PDE8B: variants seen among roughly 807,000 people sequenced by gnomAD.
PDE8B encodes phosphodiesterase 8B.
PDE8B carries 26 observed loss-of-function variants against 101.3 expected under a neutral mutation model. The observed-to-expected ratio is 0.26, with a 90% CI of 0.19 to 0.36. The LOEUF (loss-of-function observed/expected upper bound fraction) is 0.36. Ranked by LOEUF, PDE8B falls within the 10% of genes least tolerant of loss-of-function variation. PDE8B has a pLI of 1.00. For synonymous variants in PDE8B, 424 were observed against 429.3 expected, an observed-to-expected ratio of 0.99 and a Z score of 0.15; for missense variants, 810 against 1,163.1, an observed-to-expected ratio of 0.70 and a Z score of 4.42.
At chr5:77,129,774 G>A in the PDE8B span, among the ~76,000 whole-genome samples, 1 of 152,172 alleles carries the variant, frequency 6.6e-6, no homozygotes, top group Non-Finnish European at 1.5e-5. Context: ...ATTACTGTCT[G>A]TAGTGTTTCG....
chr5:77,398,612 C>T (rs1581479288), intron 10 of PDE8B, among the ~76,000 whole-genome samples: 1 of 152,216 alleles, frequency 6.6e-6, no homozygotes, highest in African/African-American at 2.4e-5. Flanking sequence ...TGAGCCACGG[C>T]GCCCGACCGG....
At chr5:77,345,455 C>T (rs1779970078) in intron 7 of PDE8B, among the ~76,000 whole-genome samples, 1 of 152,216 alleles carries the variant, frequency 6.6e-6, no homozygotes, top group Non-Finnish European at 1.5e-5. Flanking sequence ...TCACTGCACC[C>T]AGCTAGAACC....
upstream of PDE8B, among the ~76,000 whole-genome samples, chr5:77,208,823 C>G (rs995758877): frequency 7.9e-5 from 12 of 152,314 alleles, no homozygotes; most frequent in African/African-American, 2.4e-4. Context: ...CATGTAAAGA[C>G]TGGTCCATGC....
At chr5:77,214,822 T>C (rs1400164190) in intron 1 of PDE8B, among the ~76,000 whole-genome samples, 1 of 152,170 alleles carries the variant, frequency 6.6e-6, no homozygotes, top group African/African-American at 2.4e-5. Flanking sequence ...ATTTAGTAGG[T>C]CTTGGGTGGG....
At chr5:77,276,263 C>T (rs1273555744) in intron 1 of PDE8B, among the ~76,000 whole-genome samples, 1 of 152,144 alleles carries the variant, frequency 6.6e-6, no homozygotes, top group Non-Finnish European at 1.5e-5. Flanking sequence ...CCTGCTGTTC[C>T]CTCTGCTGGG....
rs200210676 is a variant in PDE8B at position 77,363,438 on chromosome 5, G to A, written c.1167+10032G>A. ...GATAGAATATGTCATTGTAGGCCTG[G>A]TGCGGTGGCTTATGTCTGTAATCCC... On this transcript the variant is annotated intron_variant, in intron 10 of 21. Transcript: ENST00000264917. Among the ~76,000 whole-genome samples, 26 of 152,296 alleles carry A rather than the reference G, an allele frequency of 1.7e-4. No homozygotes were observed. The East Asian group carries it at 5.0e-3, about 29-fold the overall frequency.
At chr5:77,227,779 T>C (rs1289972955) in intron 1 of PDE8B, among the ~76,000 whole-genome samples, 1 of 152,182 alleles carries the variant, frequency 6.6e-6, no homozygotes, top group Non-Finnish European at 1.5e-5. Context: ...AACAAACATA[T>C]ACTGAGGGCT....
chr5:77,272,409 C>G (rs1762978410), intron 1 of PDE8B, among the ~76,000 whole-genome samples: 1 of 152,192 alleles, frequency 6.6e-6, no homozygotes, highest in Non-Finnish European at 1.5e-5. Context: ...GATCTGTTAT[C>G]AAAGGATTTG....
chr5:77,172,718 A>G, the PDE8B span, among the ~76,000 whole-genome samples: 472 of 152,356 alleles, frequency 3.1e-3, no homozygotes, highest in Admixed American at 5.9e-3. Context: ...GGAACTAAAG[A>G]TAAGACATTA....
intron 11 of PDE8B, among the ~76,000 whole-genome samples, chr5:77,402,078 G>C (rs1447327363): frequency 6.6e-6 from 1 of 152,062 alleles, no homozygotes; most frequent in Non-Finnish European, 1.5e-5. Context: ...TTTTAAGTTA[G>C]ATTTAACTTA....
intron 10 of PDE8B, among the ~76,000 whole-genome samples, chr5:77,386,870 T>C (rs1221877390): frequency 1.1e-4 from 9 of 79,762 alleles, no homozygotes; most frequent in African/African-American, 5.1e-4. Flanking sequence ...AGTTTCTTTT[T>C]TTTTTTTTTT....
intron 14 of PDE8B, among the ~76,000 whole-genome samples, chr5:77,409,796 T>C (rs1024328481): frequency 2.0e-5 from 3 of 152,256 alleles, no homozygotes; most frequent in African/African-American, 7.2e-5. Context: ...CCAGAAGTCA[T>C]GTATGAGTTT....
In PDE8B at chr5:77,301,265, AAAATTGAGG is replaced by A. The variant is rs1561493017; in HGVS notation, c.340-10727_340-10719del. Among the ~76,000 whole-genome samples the A allele has an allele frequency of 3.9e-5, 6 of 152,250 alleles. No individual in the cohort carries two copies. In the South Asian group the frequency reaches 1.2e-3, roughly 31 times the overall value. On this transcript the variant is annotated intron_variant, in intron 1 of 21. Coordinates refer to ENST00000264917, the MANE Select transcript of PDE8B (RefSeq NM_003719.5). ...AAGGCAGTTCTAGCTTATCAATGAT[AAAATTGAGG>A]ACAGAGGCAGCATGTATAATTGAAA...
intron 2 of PDE8B, among the ~76,000 whole-genome samples, chr5:77,319,501 A>C (rs1172498541): frequency 5.3e-5 from 8 of 152,372 alleles, no homozygotes; most frequent in African/African-American, 1.9e-4. Flanking sequence ...AACAAAGATG[A>C]AAGTGCAATG....
At chr5:77,200,360 G>A in the PDE8B span, among the ~76,000 whole-genome samples, 1 of 152,174 alleles carries the variant, frequency 6.6e-6, no homozygotes, top group Non-Finnish European at 1.5e-5. Flanking sequence ...ATTTGCTGGT[G>A]TGTATTTAAA....
chr5:77,240,278 C>G (rs4521449), intron 1 of PDE8B, among the ~76,000 whole-genome samples: 8 of 152,110 alleles, frequency 5.3e-5, no homozygotes, highest in Admixed American at 1.3e-4. Flanking sequence ...CTCAGCCTTC[C>G]GAGTAGCTGG....
At chr5:77,157,661 G>A in the PDE8B span, among the ~76,000 whole-genome samples, 29 of 152,286 alleles carry the variant, frequency 1.9e-4, 1 homozygote, top group Admixed American at 1.6e-3. Context: ...TATTTTCCTG[G>A]CATACAATAG....
chr5:77,257,620 T>G (rs966655636), intron 1 of PDE8B, among the ~76,000 whole-genome samples: 4 of 152,088 alleles, frequency 2.6e-5, no homozygotes, highest in Non-Finnish European at 4.4e-5. Flanking sequence ...AAACCAACAT[T>G]TATAGCCAGA....
chr5:77,169,239 T>C, the PDE8B span, among the ~76,000 whole-genome samples: 1 of 152,352 alleles, frequency 6.6e-6, no homozygotes, highest in African/African-American at 2.4e-5. Context: ...TGTGTTTTAT[T>C]GATAAGATGA....
Sources: gnomAD v4.1 joint callset for allele counts (sites outside exome capture counted in the v4.1 genomes callset) on GRCh38, gnomAD v4.1.1 for gene constraint, MANE v1.5 for transcripts, NCBI Gene and HGNC (gene_info 2026-07-23, HGNC 2026-07-21) for gene names.